The following KIAA1217 variants were observed in gnomAD, a reference collection of about 807,000 sequenced individuals.
The protein encoded by KIAA1217 is sickle tail protein homolog.
A neutral mutation model predicts 163.9 loss-of-function variants in KIAA1217; 88 were observed. The observed-to-expected ratio is 0.54, with a 90% CI of 0.45 to 0.64. The LOEUF (loss-of-function observed/expected upper bound fraction) is 0.64, where lower values mean the gene tolerates loss of function less well. Ranked by LOEUF, KIAA1217 falls within the 30% of genes least tolerant of loss-of-function variation. KIAA1217 has a pLI of 0.00. For missense variants in KIAA1217, 2,372 were observed against 2,475.0 expected (o/e 0.96, Z 0.88); for synonymous variants, 903 against 923.1 (o/e 0.98, Z 0.39).
At chr10:24,531,314 A>T (rs185281361) in intron 14 of KIAA1217, among the ~76,000 whole-genome samples, 2 of 152,164 alleles carry the variant, frequency 1.3e-5, no homozygotes, top group African/African-American at 2.4e-5. Flanking sequence ...GCCCTCCCTA[A>T]GCCAGATTCT....
intron 2 of KIAA1217, among the ~76,000 whole-genome samples, chr10:24,187,570 C>T (rs1302585366): frequency 6.6e-6 from 1 of 152,186 alleles, no homozygotes; most frequent in Non-Finnish European, 1.5e-5. Flanking sequence ...CATTCAATTT[C>T]TTTGAAGTCC....
At chr10:24,337,569 T>G (rs780915129) in intron 2 of KIAA1217, among the ~76,000 whole-genome samples, 3 of 152,004 alleles carry the variant, frequency 2.0e-5, no homozygotes, top group Non-Finnish European at 4.4e-5. Flanking sequence ...TTTGTTTGCT[T>G]TGTTTTTGTT....
In KIAA1217 at chr10:24,056,675, T is replaced by C. The variant is rs888708325; in HGVS notation, c.-171+49301T>C. 4.7e-4 allele frequency among the ~76,000 whole-genome samples: 72 copies of C among 152,078 alleles called. 1 individual carries two copies. The highest frequency in any genetic ancestry group is 1.7e-3 in the African/African-American group (69 of 41,412). ...TCCAACAGATGAAGGTCCGAAAACA[T>C]GAGTTCCCAATAAAAATTTCACTGA... On this transcript the variant is annotated intron_variant, in intron 2 of 18. Coordinates refer to the KIAA1217 transcript ENST00000376462.
At chr10:24,381,158 A>T (rs1007376335) in intron 3 of KIAA1217, 91 bp downstream of exon 3, 2 of 971,820 alleles carry the variant, frequency 2.1e-6, no homozygotes, top group Non-Finnish European at 2.9e-6. Context: ...ATTCAACATT[A>T]ATTTGATCTT....
At chr10:23,970,647 C>T (rs752635941) in intron 1 of KIAA1217, among the ~76,000 whole-genome samples, 17 of 152,116 alleles carry the variant, frequency 1.1e-4, no homozygotes, top group Non-Finnish European at 1.9e-4. Context: ...AATGTTCTTT[C>T]CACACACACA....
At chr10:24,502,042 T>A (rs940298863) in intron 9 of KIAA1217, among the ~76,000 whole-genome samples, 1 of 151,988 alleles carries the variant, frequency 6.6e-6, no homozygotes, top group Non-Finnish European at 1.5e-5. Flanking sequence ...AGCCACCGCG[T>A]CTGGCCTACA....
At chr10:24,526,330 C>T (rs955923105) in intron 13 of KIAA1217, among the ~76,000 whole-genome samples, 4 of 152,270 alleles carry the variant, frequency 2.6e-5, no homozygotes, top group Middle Eastern at 3.4e-3. Flanking sequence ...ATTTTAAAAA[C>T]GCATATCACA....
intron 2 of KIAA1217, among the ~76,000 whole-genome samples, chr10:24,197,843 T>C: frequency 6.6e-6 from 1 of 152,260 alleles, no homozygotes; most frequent in South Asian, 2.1e-4. Flanking sequence ...CATGACTCCA[T>C]GGTGCTTGCA....
At chr10:24,480,244 A>G (rs2064507700) in intron 6 of KIAA1217, among the ~76,000 whole-genome samples, 1 of 152,246 alleles carries the variant, frequency 6.6e-6, no homozygotes, top group Admixed American at 6.5e-5. Flanking sequence ...AATAAAATAG[A>G]GAAATGAAAG....
chr10:23,881,730 G>A (rs1840957705), intron 1 of KIAA1217, among the ~76,000 whole-genome samples: 1 of 151,916 alleles, frequency 6.6e-6, no homozygotes, highest in African/African-American at 2.4e-5. Context: ...TGAATGAAGA[G>A]GGCAGCTTGG....
chr10:23,716,366 A>G (rs529974147), intron 1 of KIAA1217, among the ~76,000 whole-genome samples: 1 of 152,314 alleles, frequency 6.6e-6, no homozygotes, highest in South Asian at 2.1e-4. Flanking sequence ...TTAAATATGT[A>G]AACTCATCAG....
Position 24,543,391 on chromosome 10 carries a change from C to G in KIAA1217, c.4121C>G (p.Thr1374Ser). ...EDGESSSSSP[T>S]EENAATDNIA... The stretch of plus-strand genomic sequence containing the variant: ...GGAGAATCAAGTTCAAGTTCTCCCA[C>G]TGAAGAAAATGCAGCCACTGACAAT... Residue 1374 changes from threonine (T) to serine (S), a missense_variant, in exon 19 of 21, where the codon ACT (threonine) becomes AGT (serine). By Grantham distance (58) the Thr-to-Ser change is moderately conservative. Transcript: ENST00000376454. The G allele has an allele frequency of 2.5e-6, 4 of 1,614,176 alleles. No individual in the cohort carries two copies. Among genetic ancestry groups the G allele is most frequent in the Non-Finnish European group, 3.4e-6 (4 of 1,180,038 alleles).
At chr10:24,500,184 AGTGTGTGT>A (rs57872451) in intron 8 of KIAA1217, among the ~76,000 whole-genome samples, 13 of 143,256 alleles carry the variant, frequency 9.1e-5, no homozygotes, top group East Asian at 2.1e-4. Context: ...ACTGAACAGA[AGTGTGTGT>A]GTGTGTGTGT....
chr10:24,312,641 G>A (rs2042857203), intron 2 of KIAA1217, among the ~76,000 whole-genome samples: 2 of 151,878 alleles, frequency 1.3e-5, no homozygotes, highest in Non-Finnish European at 2.9e-5. Context: ...AAAAAGGTGG[G>A]CATGGCGGCT....
At chr10:24,469,750 T>A (rs909091312) in intron 5 of KIAA1217, among the ~76,000 whole-genome samples, 2 of 152,162 alleles carry the variant, frequency 1.3e-5, no homozygotes, top group African/African-American at 4.8e-5. Flanking sequence ...TAGCTAGGAC[T>A]ACAGGTGCAT....
intron 3 of KIAA1217, among the ~76,000 whole-genome samples, chr10:24,429,649 T>C (rs1053932732): frequency 2.0e-5 from 3 of 152,224 alleles, no homozygotes; most frequent in Admixed American, 1.3e-4. Flanking sequence ...TCTGGACTGT[T>C]TGTTCTCTTC....
chr10:23,893,212 A>G (rs909988175), intron 1 of KIAA1217, among the ~76,000 whole-genome samples: 1 of 152,060 alleles, frequency 6.6e-6, no homozygotes, highest in African/African-American at 2.4e-5. Context: ...TTCCTGGTTT[A>G]GTCTTGGGAG....
intron 2 of KIAA1217, among the ~76,000 whole-genome samples, chr10:24,063,423 C>T (rs2060811661): frequency 6.6e-6 from 1 of 152,052 alleles, no homozygotes; most frequent in Non-Finnish European, 1.5e-5. Flanking sequence ...TTCTTTTTGT[C>T]AGGTTTGTCA....
rs374297194 is a variant in KIAA1217, at chr10:24,231,270, C to G, written c.354+11361C>G. Among the ~76,000 whole-genome samples, 23 of 152,218 alleles carry G rather than the reference C, an allele frequency of 1.5e-4. 1 individual carries two copies. Among genetic ancestry groups the G allele is most frequent in the Admixed American group, 9.2e-4 (14 of 15,288 alleles). On this transcript the variant is annotated intron_variant, in intron 2 of 20. Coordinates refer to ENST00000376454, the MANE Select transcript of KIAA1217 (RefSeq NM_019590.5). ...AGGCTGCTGTGAGCTGAGCAGTGAT[C>G]GTACCACTGCACTCCAGCCTGGGTA...
Sources: allele counts gnomAD v4.1 joint callset (sites outside exome capture counted in the v4.1 genomes callset), GRCh38; gene constraint gnomAD v4.1.1; transcripts MANE v1.5; gene names NCBI Gene and HGNC (gene_info 2026-07-23, HGNC 2026-07-21).